Variants in IGHMBP2 observed in about 807,000 individuals in gnomAD.
IGHMBP2 encodes the protein DNA-binding protein SMUBP-2.
In IGHMBP2, 81 loss-of-function variants were observed where a neutral mutation model predicts 96.0. The observed-to-expected ratio is 0.84, with a 90% CI of 0.71 to 1.01. IGHMBP2 has a LOEUF of 1.01. Among genes scored for constraint, IGHMBP2 ranks in the 50% least tolerant of loss-of-function variants. The probability of loss-of-function intolerance (pLI) is 0.00; values close to 1 mark genes in which losing one functional copy is unlikely to be tolerated. For missense variants in IGHMBP2, 1,227 were observed against 1,306.3 expected (o/e 0.94, Z 0.94); for synonymous variants, 557 against 548.9 (o/e 1.01, Z -0.21).
chr11:68,916,936 TCC>T (rs1858695044), intron 6 of IGHMBP2, among the ~76,000 whole-genome samples: 1 of 144,324 alleles, frequency 6.9e-6, no homozygotes, highest in Non-Finnish European at 1.5e-5. Flanking sequence ...TAAAACTCCA[TCC>T]CCCAAAGTAG....
At chr11:68,913,317 GAC>G (rs1858519410) in intron 5 of IGHMBP2, among the ~76,000 whole-genome samples, 1 of 152,132 alleles carries the variant, frequency 6.6e-6, no homozygotes, top group East Asian at 1.9e-4. Flanking sequence ...AGTGAGCCAA[GAC>G]ACACCTGTGT....
intron 10 of IGHMBP2, 131 bp downstream of exon 10, chr11:68,934,044 G>T: frequency 1.4e-6 from 1 of 737,026 alleles, no homozygotes. Context: ...AAAAAACGGA[G>T]CCCCACACTG....
chr11:68,911,533 G>A lies in IGHMBP2; in HGVS notation c.641G>A (p.Gly214Glu). Residue 214 changes from glycine to glutamate, a missense_variant, in exon 5 of 15, where the codon GGA (glycine) becomes GAA (glutamate). Physicochemically the swap from Gly to Glu is moderately conservative, Grantham distance 98 (BLOSUM62 -2). This residue lies in a region of IGHMBP2 where 507 missense variants were observed against 496.9 expected (regional missense o/e 1.02). Transcript: ENST00000255078. Reference sequence around the variant, plus strand: ...CAGAAAGAACTTGCCATCATCCATGGACCTCCTGGCACTGGGAAAACCACG... The same window carrying A: ...CAGAAAGAACTTGCCATCATCCATGAACCTCCTGGCACTGGGAAAACCACG... ...LSQKELAIIH[G>E]PPGTGKTTTV... 1 of 1,614,110 alleles carries A rather than the reference G, an allele frequency of 6.2e-7. No individual in the cohort carries two copies. The highest frequency in any genetic ancestry group is 8.5e-7 in the Non-Finnish European group (1 of 1,179,960).
chr11:68,914,170 A>T (rs1858556019), intron 5 of IGHMBP2, among the ~76,000 whole-genome samples: 1 of 152,186 alleles, frequency 6.6e-6, no homozygotes, highest in Non-Finnish European at 1.5e-5. Context: ...AATAAGTTTG[A>T]AGCTTTAACA....
rs1224441043 is a variant in IGHMBP2 at position 68,913,057 on chromosome 11, A to AAAAAAAC, written c.711+1460_711+1461insCAAAAAA. Among the ~76,000 whole-genome samples, 23 of 150,642 alleles carry AAAAAAAC rather than the reference A, an allele frequency of 1.5e-4. No homozygotes were observed. The East Asian group carries it at 4.5e-3, about 29-fold the overall frequency. ...AACTCCATCTCCAAAAAAAAAAAAA[A>AAAAAAAC]AAAAAAAAAAACCAAAAAAACCACG... On this transcript the variant is annotated intron_variant, in intron 5 of 14. Transcript: ENST00000255078.
rs1002395768 is a variant in IGHMBP2 at position 68,938,913 on chromosome 11, G to A, written c.2784+559G>A. Among the ~76,000 whole-genome samples, 3 of 152,294 alleles carry A rather than the reference G, an allele frequency of 2.0e-5. No homozygotes were observed. The East Asian group carries it at 5.8e-4, about 29-fold the overall frequency. ...AAGAAAACCCAGGGCCAGGGTGGCA[G>A]CAGGGTCACCCACCCAGATGCAGCA... is the stretch of plus-strand genomic sequence containing the variant. On this transcript the variant is annotated intron_variant, in intron 14 of 14. Transcript: ENST00000255078.
At chr11:68,939,489 T>A (rs1173657189) in intron 14 of IGHMBP2, 45 bp from the exon 15 acceptor site, 1 of 1,603,306 alleles carries the variant, frequency 6.2e-7, no homozygotes, top group Non-Finnish European at 8.5e-7. Flanking sequence ...AGGATCTGCC[T>A]CCTTGCCCCT....
rs199770424 is a variant in IGHMBP2, at chr11:68,936,275, G to A, written c.1795G>A (p.Val599Met). The change falls in exon 13 of 15, where the codon GTG becomes ATG. Residue 599 changes from valine (V) to methionine (M), a missense_variant. Around this residue, in one of 3 missense-constraint regions of IGHMBP2, gnomAD observed 703 missense variants for 770.3 expected, o/e 0.91. Transcript: ENST00000255078. ...TCTTGCTGAGGACCGGAGGATCAAC[G>A]TGGCTGTCACCCGTGCCCGACGCCA... ...GFLAEDRRINVAVTRARRHVA... is the reference protein window; with the variant it reads ...GFLAEDRRINMAVTRARRHVA... 6.9e-5 allele frequency: 111 copies of A among 1,614,178 alleles called. No individual in the cohort carries two copies. Among genetic ancestry groups the A allele is most frequent in the Non-Finnish European group, 8.6e-5 (102 of 1,180,036 alleles).
intron 7 of IGHMBP2, 21 bp downstream of exon 7, chr11:68,917,904 T>C: frequency 6.2e-7 from 1 of 1,613,132 alleles, no homozygotes; most frequent in Non-Finnish European, 8.5e-7. Context: ...GTCTCCATCC[T>C]GCCTGTGTGG....
chr11:68,925,202 G>C (rs1859020866), intron 7 of IGHMBP2, among the ~76,000 whole-genome samples: 1 of 147,156 alleles, frequency 6.8e-6, no homozygotes, highest in South Asian at 2.1e-4. Flanking sequence ...CTGTAGTGCA[G>C]TGGCACAATC....
rs1204049098 is a variant in IGHMBP2, at chr11:68,936,690, T to G, written c.2210T>G (p.Met737Arg). The G allele has an allele frequency of 1.2e-6, 2 of 1,613,948 alleles. No homozygotes were observed. The highest frequency in any genetic ancestry group is 1.7e-6 in the Non-Finnish European group (2 of 1,180,056). The change falls in exon 13 of 15, where the codon ATG (methionine) becomes AGG (arginine). Residue 737 changes from methionine (M) to arginine (R), a missense_variant. By Grantham distance (91) the Met-to-Arg change is moderately conservative. Transcript: ENST00000255078. ...DHFRAMIVEF[M>R]ASKKMQLEFP... ...TTCCGGGCCATGATAGTGGAGTTCA[T>G]GGCCAGCAAGAAGATGCAGTTGGAG...
In IGHMBP2 at chr11:68,918,000, G is replaced by T. The variant is rs542998639; in HGVS notation, c.1060+117G>T. On this transcript the variant is annotated intron_variant, in intron 7 of 14. Transcript: ENST00000255078. ...TTGGTATTTCTTTCTTAAAAGTTGGGTAGGGTTCACTAGGGAAGGCCTCCG... is the reference window on the plus strand; with the variant it reads ...TTGGTATTTCTTTCTTAAAAGTTGGTTAGGGTTCACTAGGGAAGGCCTCCG... 6 of 1,203,100 alleles carry T rather than the reference G, an allele frequency of 5.0e-6. No homozygotes were observed. In the South Asian group the frequency reaches 5.1e-5, roughly 10 times the overall value. The allele number at this position is 1,203,100 out of a possible 1,614,324, so 74.5% of individuals were successfully genotyped here.
chr11:68,914,889 CA>C lies in IGHMBP2; in HGVS notation c.779del (p.Gln260ArgfsTer25). 6.2e-7 allele frequency: 1 copy of C among 1,614,236 alleles called. No individual in the cohort carries two copies. Among genetic ancestry groups the C allele is most frequent in the Non-Finnish European group, 8.5e-7 (1 of 1,180,042 alleles). Reference protein sequence around the residue: ...NLVERLALCKQRILRLGHPAR... With the variant: ...NLVERLALCKXRILRLGHPAR... ...GGTGGAGCGCCTGGCTCTGTGTAAG[CA>C]GCGGATTCTGCGCCTGGGACACCCT... is the stretch of plus-strand genomic sequence containing the variant. On this transcript the variant is annotated frameshift_variant, in exon 6 of 15. Coordinates refer to ENST00000255078, the MANE Select transcript of IGHMBP2 (RefSeq NM_002180.3). LOFTEE classifies it high-confidence loss of function.
intron 3 of IGHMBP2, 81 bp downstream of exon 3, chr11:68,908,418 A>C: frequency 1.3e-6 from 2 of 1,492,784 alleles, no homozygotes; most frequent in Non-Finnish European, 1.9e-6. Context: ...GTCGCACAAA[A>C]GAGAGCAACA....
chr11:68,925,354 G>A (rs966370079), intron 7 of IGHMBP2, among the ~76,000 whole-genome samples: 1 of 151,836 alleles, frequency 6.6e-6, no homozygotes. Context: ...TCACCATGTT[G>A]GCCAGGCTGG....
chr11:68,936,219 C>G lies in IGHMBP2; in HGVS notation c.1757-18C>G. The stretch of plus-strand genomic sequence containing the variant: ...TTAGTCTGAAACCTGCTTCTCACTC[C>G]CCTCTGGCCTTTTGTAGGTGAAGTT... On this transcript the variant is annotated intron_variant, in intron 12 of 14. Transcript: ENST00000255078. 6.2e-7 allele frequency: 1 copy of G among 1,613,526 alleles called. No homozygotes were observed. Among genetic ancestry groups the G allele is most frequent in the Non-Finnish European group, 8.5e-7 (1 of 1,180,006 alleles).
intron 7 of IGHMBP2, among the ~76,000 whole-genome samples, chr11:68,923,737 C>T (rs1014775887): frequency 1.3e-5 from 2 of 152,120 alleles, no homozygotes; most frequent in Non-Finnish European, 2.9e-5. Flanking sequence ...TGTGTGAGCA[C>T]TGGGCACTTT....
intron 14 of IGHMBP2, 49 bp downstream of exon 14, chr11:68,938,403 G>A: frequency 6.5e-7 from 1 of 1,531,802 alleles, no homozygotes. Flanking sequence ...GGGGTGGTGG[G>A]TTCCGTCTCC....
chr11:68,919,192 C>CGTCCCT (rs1401045538), intron 7 of IGHMBP2, among the ~76,000 whole-genome samples: 1 of 151,400 alleles, frequency 6.6e-6, no homozygotes, highest in Non-Finnish European at 1.5e-5. Flanking sequence ...CTCCCCTCCC[C>CGTCCCT]GTCCCCGTCC....
Sources: allele counts gnomAD v4.1 joint callset (sites outside exome capture counted in the v4.1 genomes callset), GRCh38; gene constraint gnomAD v4.1.1; regional missense constraint gnomAD v4.1.1; transcripts MANE v1.5; gene names NCBI Gene and HGNC (gene_info 2026-07-23, HGNC 2026-07-21).